Variants in SNX13 observed in about 807,000 individuals in gnomAD.
SNX13 encodes sorting nexin-13.
Under a neutral mutation model 133.6 loss-of-function variants are expected in SNX13, and 45 were observed. The observed-to-expected ratio is 0.34, with a 90% CI of 0.27 to 0.43. The LOEUF (loss-of-function observed/expected upper bound fraction) is 0.43, where lower values mean the gene tolerates loss of function less well. Ranked by LOEUF, SNX13 falls within the 20% of genes least tolerant of loss-of-function variation. The pLI is 1.00. For synonymous variants in SNX13, 414 were observed against 373.9 expected, an observed-to-expected ratio of 1.11 and a Z score of -1.24; for missense variants, 1,032 against 1,145.1, an observed-to-expected ratio of 0.90 and a Z score of 1.43.
chr7:17,907,163 C>T (rs1798495002), intron 1 of SNX13: 1 of 152,172 alleles, frequency 6.6e-6, no homozygotes, highest in Admixed American at 6.5e-5. Context: ...AAACAAGGAG[C>T]CAAAGGTGGC....
At position 17,793,911 on chromosome 7, in the gene SNX13, T is replaced by C. The variant is rs1783781113; in HGVS notation, c.*134A>G. ...GAGAATGAGAAGAACCACAGACTTATGGATGTATTAATAATCTATTTTGAG... is the reference window on the plus strand; with the variant it reads ...GAGAATGAGAAGAACCACAGACTTACGGATGTATTAATAATCTATTTTGAG... On this transcript the variant is annotated 3_prime_UTR_variant, in exon 26 of 26. Transcript: ENST00000428135. 8 of 909,232 alleles carry C rather than the reference T, an allele frequency of 8.8e-6. No homozygotes were observed. In the South Asian group the frequency reaches 1.3e-4, roughly 15 times the overall value. 56.3% of individuals were successfully genotyped at this position (909,232 alleles called of 1,614,324 possible).
At chr7:17,924,719 A>C (rs1401973545) in intron 1 of SNX13, among the ~76,000 whole-genome samples, 2 of 152,238 alleles carry the variant, frequency 1.3e-5, no homozygotes, top group Non-Finnish European at 2.9e-5. Context: ...GAAATAACCC[A>C]TATGTCCAGC....
At chr7:17,918,970 C>T (rs1334600302) in intron 1 of SNX13, among the ~76,000 whole-genome samples, 1 of 152,124 alleles carries the variant, frequency 6.6e-6, no homozygotes, top group Non-Finnish European at 1.5e-5. Context: ...GGCCATTGTC[C>T]TAAGCAAAAT....
At chr7:17,822,330 C>T (rs1787388586) in intron 17 of SNX13, among the ~76,000 whole-genome samples, 1 of 152,120 alleles carries the variant, frequency 6.6e-6, no homozygotes, top group East Asian at 1.9e-4. Flanking sequence ...ATCATTTTCT[C>T]TAACTTGTCT....
intron 13 of SNX13, among the ~76,000 whole-genome samples, chr7:17,837,085 CTT>C (rs1240660898): frequency 2.6e-5 from 4 of 152,000 alleles, no homozygotes; most frequent in Middle Eastern, 3.4e-3. Flanking sequence ...CCACCTCACA[CTT>C]ATTTCTTGTG....
intron 24 of SNX13, 104 bp downstream of exon 24, chr7:17,798,586 C>T: frequency 3.5e-6 from 3 of 851,082 alleles, no homozygotes; most frequent in South Asian, 1.7e-5. Context: ...ATAACTAAAC[C>T]AACTTTATGT....
chr7:17,847,916 CTGAGA>C (rs1317097954), intron 11 of SNX13, among the ~76,000 whole-genome samples: 7 of 152,252 alleles, frequency 4.6e-5, no homozygotes, highest in South Asian at 4.2e-4. Flanking sequence ...CATTTGGCTT[CTGAGA>C]TATTATTAGG....
chr7:17,879,762 G>A (rs1267251374), intron 5 of SNX13: 1 of 152,146 alleles, frequency 6.6e-6, no homozygotes, highest in East Asian at 1.9e-4. Context: ...AAAACGCACT[G>A]GACTGACACA....
intron 1 of SNX13, among the ~76,000 whole-genome samples, chr7:17,936,238 T>C (rs1213131650): frequency 1.3e-5 from 2 of 152,166 alleles, no homozygotes; most frequent in Admixed American, 6.5e-5. Context: ...GCAAATATCC[T>C]CCAAATTTAT....
rs778862470 is a variant in SNX13, at chr7:17,794,342, G to C, written c.2627-50C>G. 3 of 1,562,774 alleles carry C rather than the reference G, an allele frequency of 1.9e-6. 1 individual carries two copies. The highest frequency in any genetic ancestry group is 2.7e-5 in the African/African-American group (2 of 72,898). ...CATAATTATTCAAAGGAAACACAAG[G>C]CCTAAACTCTTAAATGTTCTTAAAT... On this transcript the variant is annotated intron_variant, in intron 25 of 25. Transcript: ENST00000428135.
intron 15 of SNX13, chr7:17,831,255 T>C: frequency 1.0e-6 from 1 of 983,308 alleles, no homozygotes; most frequent in Non-Finnish European, 1.2e-6. Flanking sequence ...TACCTACAAA[T>C]ATTAGAAAAC....
chr7:17,803,661 G>C (rs755141755), intron 20 of SNX13, 81 bp from the exon 21 acceptor site: 73 of 1,219,260 alleles, frequency 6.0e-5, no homozygotes, highest in South Asian at 2.3e-4. Flanking sequence ...AAAATATAGA[G>C]TGCAACACTG....
At chr7:17,871,045 G>T (rs373481665) in intron 8 of SNX13, among the ~76,000 whole-genome samples, 1 of 150,294 alleles carries the variant, frequency 6.7e-6, no homozygotes, top group Non-Finnish European at 1.5e-5. Context: ...TGGCTCTGTC[G>T]CCCAGGCTGG....
At position 17,834,087 on chromosome 7, in the gene SNX13, T is replaced by A; in HGVS notation, c.1562A>T (p.Asp521Val). Residue 521 changes from aspartate (D) to valine (V), a missense_variant, in exon 15 of 26, where the codon GAT becomes GTT. Coordinates refer to ENST00000428135, the MANE Select transcript of SNX13 (RefSeq NM_015132.5). ...RMLAELDMLKDPSFRGSDDGD... is the reference protein window; with the variant it reads ...RMLAELDMLKVPSFRGSDDGD... Reference sequence around the variant, plus strand: ...ATCATCGGATCCTCTGAAACTAGGATCTTTTAACATGTCAAGCTCAGCTAA... The same window carrying A: ...ATCATCGGATCCTCTGAAACTAGGAACTTTTAACATGTCAAGCTCAGCTAA... The A allele has an allele frequency of 6.3e-7, 1 of 1,586,852 alleles. No individual in the cohort carries two copies. Among genetic ancestry groups the A allele is most frequent in the South Asian group, 1.1e-5 (1 of 86,980 alleles).
intron 9 of SNX13, among the ~76,000 whole-genome samples, chr7:17,864,219 A>G (rs1394612921): frequency 1.3e-5 from 2 of 152,240 alleles, no homozygotes; most frequent in African/African-American, 4.8e-5. Flanking sequence ...AGTGAAGGAA[A>G]TATGTGACCT....
At chr7:17,867,619 A>G (rs994497108) in intron 9 of SNX13, among the ~76,000 whole-genome samples, 3 of 151,240 alleles carry the variant, frequency 2.0e-5, no homozygotes, top group African/African-American at 2.5e-5. Context: ...ATAAATAAAT[A>G]AAAATAAAGT....
intron 1 of SNX13, among the ~76,000 whole-genome samples, chr7:17,919,839 T>C (rs1489233155): frequency 6.6e-6 from 1 of 152,106 alleles, no homozygotes. Context: ...CTACTAAAAG[T>C]TTACTTTTGG....
chr7:17,884,916 C>T (rs956060096), intron 5 of SNX13, among the ~76,000 whole-genome samples: 8 of 152,198 alleles, frequency 5.3e-5, no homozygotes, highest in East Asian at 1.9e-4. Flanking sequence ...CTGGTGGAAA[C>T]GTAACAAAAT....
intron 5 of SNX13, chr7:17,888,448 C>A (rs1796256581): frequency 5.0e-6 from 1 of 198,246 alleles, no homozygotes; most frequent in Non-Finnish European, 1.0e-5. Flanking sequence ...GAGCAGGAAA[C>A]TAAGATAAAT....
Sources: gnomAD v4.1 joint callset for allele counts (sites outside exome capture counted in the v4.1 genomes callset) on GRCh38, gnomAD v4.1.1 for gene constraint, MANE v1.5 for transcripts, NCBI Gene and HGNC (gene_info 2026-07-23, HGNC 2026-07-21) for gene names.